The following MCTP1 variants were observed in gnomAD, a reference collection of about 807,000 sequenced individuals.
MCTP1 encodes the protein multiple C2 and transmembrane domain containing 1, also known as multiple C2 and transmembrane domain-containing protein 1.
MCTP1 carries 69 observed loss-of-function variants against 120.6 expected under a neutral mutation model. The ratio of observed to expected loss-of-function variants is 0.57; its 90% CI spans 0.47 to 0.70. The LOEUF (loss-of-function observed/expected upper bound fraction) is 0.70, where lower values mean the gene tolerates loss of function less well. Ranked by LOEUF, MCTP1 falls within the 30% of genes least tolerant of loss-of-function variation. The pLI is 0.00. For missense variants in MCTP1, 1,203 were observed against 1,248.8 expected (o/e 0.96, Z 0.55); for synonymous variants, 529 against 493.1 (o/e 1.07, Z -0.96).
At chr5:94,902,136 C>A (rs1022888095) in intron 10 of MCTP1, among the ~76,000 whole-genome samples, 2 of 152,094 alleles carry the variant, frequency 1.3e-5, no homozygotes, top group Non-Finnish European at 2.9e-5. Flanking sequence ...CTAATCCTCA[C>A]AAAATGGACA....
intron 18 of MCTP1, among the ~76,000 whole-genome samples, chr5:94,781,452 T>C (rs1326396992): frequency 6.6e-6 from 1 of 152,130 alleles, no homozygotes; most frequent in African/African-American, 2.4e-5. Context: ...AAAGTGTCTA[T>C]CATGTATCTC....
At chr5:94,820,725 C>G (rs1283946431) in intron 17 of MCTP1, among the ~76,000 whole-genome samples, 1 of 152,220 alleles carries the variant, frequency 6.6e-6, no homozygotes, top group Non-Finnish European at 1.5e-5. Context: ...TGAACGCTTG[C>G]TGCCCAGTGC....
intron 1 of MCTP1, among the ~76,000 whole-genome samples, chr5:95,281,390 G>T (rs1212451994): frequency 1.3e-5 from 2 of 152,206 alleles, no homozygotes; most frequent in African/African-American, 4.8e-5. Context: ...CTTTGAGATG[G>T]GCAGAGAGGT....
chr5:94,839,869 C>T (rs942864812), intron 17 of MCTP1, among the ~76,000 whole-genome samples: 3 of 152,302 alleles, frequency 2.0e-5, no homozygotes, highest in Admixed American at 6.5e-5. Flanking sequence ...ATGACATTTG[C>T]ACACTGCCTA....
intron 1 of MCTP1, among the ~76,000 whole-genome samples, chr5:95,188,033 A>T (rs1582477387): frequency 6.6e-6 from 1 of 152,184 alleles, no homozygotes; most frequent in African/African-American, 2.4e-5. Flanking sequence ...ATTATTAAAA[A>T]TTTTTAAAAA....
chr5:95,144,015 A>G (rs186227757), intron 1 of MCTP1, among the ~76,000 whole-genome samples: 2 of 152,296 alleles, frequency 1.3e-5, no homozygotes, highest in East Asian at 3.8e-4. Context: ...ACTAATTTGC[A>G]TTCCTACGAA....
intron 3 of MCTP1, among the ~76,000 whole-genome samples, chr5:94,952,171 C>CAAAAAAAGAAAA (rs1820769351): frequency 1.1e-5 from 1 of 87,890 alleles, no homozygotes; most frequent in Admixed American, 1.3e-4. Flanking sequence ...GACTTTGTCG[C>CAAAAAAAGAAAA]AAAAAAAAAA....
intron 12 of MCTP1, among the ~76,000 whole-genome samples, chr5:94,877,378 C>A (rs1028009221): frequency 2.0e-5 from 3 of 151,844 alleles, no homozygotes; most frequent in Admixed American, 2.0e-4. Context: ...ATACTAAGGG[C>A]TATTTTTTCC....
chr5:94,875,744 C>A (rs1798727840), intron 12 of MCTP1, among the ~76,000 whole-genome samples: 1 of 149,978 alleles, frequency 6.7e-6, no homozygotes, highest in Non-Finnish European at 1.5e-5. Context: ...TTAGCCAAGT[C>A]AGTTCTTTTT....
intron 8 of MCTP1, among the ~76,000 whole-genome samples, chr5:94,914,599 T>A (rs920757368): frequency 6.6e-6 from 1 of 152,106 alleles, no homozygotes; most frequent in Non-Finnish European, 1.5e-5. Context: ...CTCTGCCCTA[T>A]GAATATCAAC....
chr5:95,215,650 T>C (rs905941830), intron 1 of MCTP1, among the ~76,000 whole-genome samples: 1 of 152,188 alleles, frequency 6.6e-6, no homozygotes, highest in Non-Finnish European at 1.5e-5. Context: ...TTCTGCTTTT[T>C]TTCTCTCCTT....
chr5:95,257,796 T>TACACACACACACACACACACAC lies in MCTP1; in HGVS notation c.720+26038_720+26059dup, dbSNP rs369408591. On this transcript the variant is annotated intron_variant, in intron 1 of 22. Coordinates refer to ENST00000515393, the MANE Select transcript of MCTP1 (RefSeq NM_024717.7). ...AAGGAAGGAAGTGCTCCAGAAAACA[T>TACACACACACACACACACACAC]ACACACACACACACACACACACACA... 7.1e-3 allele frequency among the ~76,000 whole-genome samples: 886 copies of TACACACACACACACACACACAC among 125,414 alleles called. 12 individuals carry two copies. The highest frequency in any genetic ancestry group is 0.022 in the African/African-American group (683 of 31,472). 82.3% of individuals were successfully genotyped at this position (125,414 alleles called of 152,430 possible).
chr5:94,923,611 C>T (rs958292126), intron 7 of MCTP1, among the ~76,000 whole-genome samples: 15 of 152,024 alleles, frequency 9.9e-5, no homozygotes, highest in Non-Finnish European at 2.9e-5. Flanking sequence ...GCAGAAAATT[C>T]TAATCTCATT....
At position 94,748,382 on chromosome 5, in the gene MCTP1, A is replaced by C. The variant is rs548146434; in HGVS notation, c.2610+30728T>G. Among the ~76,000 whole-genome samples the C allele has an allele frequency of 2.0e-5, 3 of 152,320 alleles. No homozygotes were observed. The South Asian group carries it at 6.2e-4, about 32-fold the overall frequency. ...AGACAGCAGTCCGTTAAGGCTTCTC[A>C]GAGTAGTTCTGAGTACATGGCTCCC... On this transcript the variant is annotated intron_variant, in intron 19 of 22. Coordinates refer to ENST00000515393, the MANE Select transcript of MCTP1 (RefSeq NM_024717.7).
chr5:94,807,137 C>T (rs888160737), intron 17 of MCTP1, among the ~76,000 whole-genome samples: 3 of 152,108 alleles, frequency 2.0e-5, no homozygotes, highest in African/African-American at 7.2e-5. Context: ...GCCAAAAGTG[C>T]GTATATGCTT....
chr5:94,984,401 T>C (rs895292224), intron 2 of MCTP1, among the ~76,000 whole-genome samples: 1 of 152,150 alleles, frequency 6.6e-6, no homozygotes, highest in Non-Finnish European at 1.5e-5. Context: ...CAAATGAACA[T>C]GGTATACGTT....
At chr5:94,862,460 T>A (rs1795991716) in intron 17 of MCTP1, among the ~76,000 whole-genome samples, 1 of 151,852 alleles carries the variant, frequency 6.6e-6, no homozygotes, top group Non-Finnish European at 1.5e-5. Flanking sequence ...AGTGTTGCAC[T>A]GTGGACTTAG....
chr5:95,181,317 A>G (rs1748568220), intron 1 of MCTP1, among the ~76,000 whole-genome samples: 2 of 152,132 alleles, frequency 1.3e-5, no homozygotes, highest in Non-Finnish European at 2.9e-5. Flanking sequence ...AGCTCACTCT[A>G]GCTACACGTC....
At chr5:94,878,298 C>T (rs1211986035) in intron 12 of MCTP1, among the ~76,000 whole-genome samples, 1 of 152,068 alleles carries the variant, frequency 6.6e-6, no homozygotes, top group Non-Finnish European at 1.5e-5. Flanking sequence ...TGGCCTTATC[C>T]TTTTCCATCA....
Sources: allele counts gnomAD v4.1 joint callset (sites outside exome capture counted in the v4.1 genomes callset), GRCh38; gene constraint gnomAD v4.1.1; transcripts MANE v1.5; gene names NCBI Gene and HGNC (gene_info 2026-07-23, HGNC 2026-07-21).